Variants in FER observed in about 807,000 individuals in gnomAD.
The protein encoded by FER is FER tyrosine kinase.
In FER, 63 loss-of-function variants were observed where a neutral mutation model predicts 111.0. That is an observed-to-expected ratio of 0.57 (90% CI 0.46 to 0.70). The LOEUF is 0.70. FER is among the 30% of genes least tolerant of loss of function. The pLI is 0.00. For missense variants in FER, 914 were observed against 954.0 expected, an observed-to-expected ratio of 0.96 and a Z score of 0.55; for synonymous variants, 327 against 313.9, an observed-to-expected ratio of 1.04 and a Z score of -0.44.
chr5:109,115,268 A>G (rs1750089219), intron 17 of FER, among the ~76,000 whole-genome samples: 1 of 152,186 alleles, frequency 6.6e-6, no homozygotes, highest in Admixed American at 6.5e-5. Context: ...TAGTAGTGAT[A>G]GGAAAAAGAT....
At chr5:109,089,885 A>G (rs896433403) in intron 16 of FER, among the ~76,000 whole-genome samples, 2 of 152,200 alleles carry the variant, frequency 1.3e-5, no homozygotes, top group African/African-American at 4.8e-5. Flanking sequence ...GCCTGAATCC[A>G]TTGAAAACAA....
chr5:108,991,337 A>G (rs555458700), intron 13 of FER, among the ~76,000 whole-genome samples: 1 of 152,056 alleles, frequency 6.6e-6, no homozygotes, highest in Non-Finnish European at 1.5e-5. Context: ...GGAAAAAAGT[A>G]TAGGCATATT....
At chr5:108,925,122 G>T (rs1753556745) in intron 10 of FER, among the ~76,000 whole-genome samples, 1 of 150,552 alleles carries the variant, frequency 6.6e-6, no homozygotes, top group Non-Finnish European at 1.5e-5. Context: ...TTGAATATTT[G>T]AGGAGAAACA....
At chr5:108,860,121 T>G (rs771737190) in intron 5 of FER, among the ~76,000 whole-genome samples, 2 of 151,774 alleles carry the variant, frequency 1.3e-5, no homozygotes, top group Non-Finnish European at 2.9e-5. Flanking sequence ...TTTGTATTTT[T>G]TAAGAGAGAC....
chr5:108,873,969 A>G (rs1764854690), intron 8 of FER, among the ~76,000 whole-genome samples: 1 of 152,186 alleles, frequency 6.6e-6, no homozygotes, highest in Admixed American at 6.5e-5. Context: ...CCATTTCTCA[A>G]TTCACGTGCT....
At chr5:109,020,544 C>T (rs1405563903) in intron 13 of FER, among the ~76,000 whole-genome samples, 1 of 151,912 alleles carries the variant, frequency 6.6e-6, no homozygotes, top group East Asian at 1.9e-4. Flanking sequence ...TCTCAGTTTC[C>T]TTCTATATGA....
intron 16 of FER, among the ~76,000 whole-genome samples, chr5:109,047,819 A>T (rs956458556): frequency 6.9e-6 from 1 of 145,532 alleles, no homozygotes; most frequent in African/African-American, 2.5e-5. Flanking sequence ...ATATGTGGAC[A>T]AACAAAAAGG....
intron 11 of FER, among the ~76,000 whole-genome samples, chr5:108,947,980 G>C (rs72789306): frequency 0.13 from 20,451 of 151,684 alleles, 1,433 homozygotes; most frequent in Middle Eastern, 0.16. Flanking sequence ...CCTCGGCCCC[G>C]CTAAGAGTTC....
chr5:108,876,399 C>T (rs1434465195), intron 8 of FER, among the ~76,000 whole-genome samples: 5 of 152,188 alleles, frequency 3.3e-5, no homozygotes, highest in African/African-American at 1.2e-4. Flanking sequence ...GTGGCACACT[C>T]ATTACTTCAC....
At chr5:109,137,084 C>T (rs542646167) in intron 17 of FER, among the ~76,000 whole-genome samples, 4 of 150,062 alleles carry the variant, frequency 2.7e-5, no homozygotes, top group Admixed American at 6.7e-5. Context: ...AAATATTTTT[C>T]GTTGTGTCTT....
intron 8 of FER, among the ~76,000 whole-genome samples, chr5:108,879,640 G>T (rs756204768): frequency 1.0e-4 from 15 of 144,708 alleles, no homozygotes; most frequent in Non-Finnish European, 1.8e-4. Context: ...TATTTTTAAG[G>T]GGATAATGGT....
At chr5:108,769,956 A>ATGAT (rs1752714737) in intron 2 of FER, among the ~76,000 whole-genome samples, 1 of 148,182 alleles carries the variant, frequency 6.7e-6, no homozygotes, top group African/African-American at 2.5e-5. Context: ...GATGATGATG[A>ATGAT]TTTTTTTTTG....
At chr5:108,867,448 T>C (rs1265859204) in intron 5 of FER, among the ~76,000 whole-genome samples, 1 of 152,162 alleles carries the variant, frequency 6.6e-6, no homozygotes, top group Non-Finnish European at 1.5e-5. Flanking sequence ...TACAGTTTTA[T>C]GTGCACTGCT....
chr5:108,860,820 T>A (rs916154778), intron 5 of FER, among the ~76,000 whole-genome samples: 1 of 152,146 alleles, frequency 6.6e-6, no homozygotes, highest in Non-Finnish European at 1.5e-5. Flanking sequence ...CAGTTCCACA[T>A]TGCTGGGGAG....
chr5:108,905,529 C>T (rs1455071765), intron 10 of FER, among the ~76,000 whole-genome samples: 3 of 152,010 alleles, frequency 2.0e-5, no homozygotes, highest in Non-Finnish European at 4.4e-5. Context: ...TTTATTCAGT[C>T]ACTTGGGATT....
At chr5:108,826,076 C>T (rs925360342) in intron 3 of FER, among the ~76,000 whole-genome samples, 3 of 152,022 alleles carry the variant, frequency 2.0e-5, no homozygotes, top group African/African-American at 7.2e-5. Context: ...CCATATCTAG[C>T]CTTTATTATG....
At chr5:109,067,579 A>G (rs1258451580) in intron 16 of FER, among the ~76,000 whole-genome samples, 2 of 151,894 alleles carry the variant, frequency 1.3e-5, no homozygotes, top group Non-Finnish European at 2.9e-5. Flanking sequence ...TTACATCAGT[A>G]TATGTAGATT....
At chr5:108,950,264 A>G (rs1757541650) in intron 11 of FER, among the ~76,000 whole-genome samples, 1 of 152,202 alleles carries the variant, frequency 6.6e-6, no homozygotes. Flanking sequence ...ATCTCTGATT[A>G]ACATGTAATT....
At chr5:109,080,386 C>A (rs1317610704) in intron 16 of FER, among the ~76,000 whole-genome samples, 1 of 151,908 alleles carries the variant, frequency 6.6e-6, no homozygotes, top group East Asian at 1.9e-4. Flanking sequence ...GGAAAGGTCA[C>A]ATAGATAATA....
Sources: gnomAD v4.1 joint callset for allele counts (sites outside exome capture counted in the v4.1 genomes callset) on GRCh38, gnomAD v4.1.1 for gene constraint, MANE v1.5 for transcripts, NCBI Gene and HGNC (gene_info 2026-07-23, HGNC 2026-07-21) for gene names.